FARSB: variants seen among roughly 807,000 people sequenced by gnomAD.
FARSB encodes the protein phenylalanyl-tRNA synthetase subunit beta.
A neutral mutation model predicts 69.6 loss-of-function variants in FARSB; 40 were observed. The observed-to-expected ratio is 0.57, with a 90% CI of 0.45 to 0.75. The LOEUF (loss-of-function observed/expected upper bound fraction) is 0.75, where lower values mean the gene tolerates loss of function less well. Ranked by LOEUF, FARSB falls within the 30% of genes least tolerant of loss-of-function variation. The probability of loss-of-function intolerance (pLI) is 0.00; values close to 1 mark genes in which losing one functional copy is unlikely to be tolerated. For missense variants in FARSB, 632 were observed against 722.9 expected (o/e 0.87, Z 1.44); for synonymous variants, 235 against 247.2 (o/e 0.95, Z 0.46).
chr2:222,616,545 C>CAA (rs11447332), intron 14 of FARSB, among the ~76,000 whole-genome samples: 15,020 of 73,690 alleles, frequency 0.2, 3,032 homozygotes, highest in African/African-American at 0.46. Flanking sequence ...GACTCCATCT[C>CAA]AAAAAAAAAA....
intron 1 of FARSB, among the ~76,000 whole-genome samples, chr2:222,651,168 A>G (rs1692029357): frequency 6.6e-6 from 1 of 152,188 alleles, no homozygotes. Context: ...AAGCAGAAGA[A>G]GAGGAATCCT....
chr2:222,632,076 A>AGAGTG lies in FARSB; in HGVS notation c.716-407_716-403dup, dbSNP rs1328224239. 1.6e-4 allele frequency among the ~76,000 whole-genome samples: 25 copies of AGAGTG among 151,620 alleles called. No homozygotes were observed. In the East Asian group the frequency reaches 4.9e-3, roughly 30 times the overall value. ...TGGCACGACATGGTGCAATGGCACGAGAGTGTGCCATTGCACTCCAGCCTG... is the reference window on the plus strand; with the variant it reads ...TGGCACGACATGGTGCAATGGCACGAGAGTGGAGTGTGCCATTGCACTCCAGCCTG... On this transcript the variant is annotated intron_variant, in intron 7 of 16. Coordinates refer to ENST00000281828, the MANE Select transcript of FARSB (RefSeq NM_005687.5).
rs141065703 is a variant in FARSB at position 222,648,791 on chromosome 2, G to A, written c.63C>T (p.Asp21=). 4.1e-4 allele frequency: 657 copies of A among 1,599,080 alleles called. 1 individual carries two copies. The African/African-American group carries it at 7.1e-3, about 17-fold the overall frequency. ...CAAAACATAGTTCATCAAATTCTTC[G>A]TCAGCTAGGAAAATAAAAAAGGAGA... ...LFQALGRTYT[D]EEFDELCFEF... is the part of the protein sequence containing the mutation. The change falls in exon 2 of 17, where the codon GAC becomes GAT. Residue 21 remains aspartate (D), a synonymous_variant. Transcript: ENST00000281828.
chr2:222,571,842 G>A lies in FARSB; in HGVS notation c.*29C>T, dbSNP rs1689723633. On this transcript the variant is annotated 3_prime_UTR_variant, in exon 17 of 17. Transcript: ENST00000281828. ...TAGGGGAGGAGAAAGGGACACCTGG[G>A]AAGAGAATCACACCACAGAGACCAA... 6.3e-7 allele frequency: 1 copy of A among 1,595,102 alleles called. No homozygotes were observed.
chr2:222,582,793 C>T (rs1690005795), intron 16 of FARSB, among the ~76,000 whole-genome samples: 1 of 151,870 alleles, frequency 6.6e-6, no homozygotes, highest in African/African-American at 2.4e-5. Context: ...GGTGTGGTGG[C>T]AGGCACCTGT....
At chr2:222,578,697 G>C (rs991991928) in intron 16 of FARSB, among the ~76,000 whole-genome samples, 2 of 151,008 alleles carry the variant, frequency 1.3e-5, no homozygotes, top group Non-Finnish European at 2.9e-5. Context: ...AAATTAGCTG[G>C]GGCCGGGCAC....
At chr2:222,631,496 T>G in intron 8 of FARSB, 108 bp downstream of exon 8, 1 of 718,490 alleles carries the variant, frequency 1.4e-6, no homozygotes, top group Non-Finnish European at 2.5e-6. Flanking sequence ...TAAAATATGT[T>G]CCCACCTACA....
chr2:222,632,424 T>C (rs1040154813), intron 7 of FARSB, among the ~76,000 whole-genome samples: 2 of 152,178 alleles, frequency 1.3e-5, no homozygotes, highest in Non-Finnish European at 2.9e-5. Flanking sequence ...ACTGGTTAAC[T>C]CTGGGGCCCA....
chr2:222,620,949 T>C (rs1691119138), intron 13 of FARSB, among the ~76,000 whole-genome samples: 1 of 152,198 alleles, frequency 6.6e-6, no homozygotes, highest in Non-Finnish European at 1.5e-5. Flanking sequence ...CATCCAGCCA[T>C]AGCAGAAAAC....
At chr2:222,580,325 G>A (rs1331855815) in intron 16 of FARSB, among the ~76,000 whole-genome samples, 7 of 151,882 alleles carry the variant, frequency 4.6e-5, no homozygotes, top group East Asian at 1.9e-4. Flanking sequence ...TAAGGCTTCT[G>A]TAAGCATAGA....
intron 10 of FARSB, among the ~76,000 whole-genome samples, chr2:222,625,080 C>T (rs1347313403): frequency 6.6e-6 from 1 of 152,236 alleles, no homozygotes; most frequent in African/African-American, 2.4e-5. Flanking sequence ...TGTTGTGCTA[C>T]ATCATTCCAA....
intron 16 of FARSB, among the ~76,000 whole-genome samples, chr2:222,595,508 G>T (rs948822412): frequency 2.6e-5 from 4 of 152,114 alleles, no homozygotes; most frequent in African/African-American, 4.8e-5. Flanking sequence ...TACTTACAAG[G>T]TTATTTTTCA....
intron 15 of FARSB, among the ~76,000 whole-genome samples, chr2:222,602,639 A>ATTG (rs1690593454): frequency 6.7e-6 from 1 of 149,262 alleles, no homozygotes; most frequent in Non-Finnish European, 1.5e-5. Context: ...TATTATTATT[A>ATTG]TACTTTAAGT....
intron 15 of FARSB, among the ~76,000 whole-genome samples, chr2:222,612,108 C>A (rs1690871055): frequency 2.0e-5 from 3 of 152,122 alleles, no homozygotes; most frequent in Admixed American, 2.0e-4. Context: ...AAAAATTTGA[C>A]AATGGAATTA....
chr2:222,629,247 T>G (rs1691355750), intron 9 of FARSB, among the ~76,000 whole-genome samples: 1 of 152,120 alleles, frequency 6.6e-6, no homozygotes, highest in Non-Finnish European at 1.5e-5. Flanking sequence ...GAAAATCAGT[T>G]GAAAAAAAAC....
chr2:222,649,767 C>T (rs1451348523), intron 1 of FARSB, among the ~76,000 whole-genome samples: 2 of 152,212 alleles, frequency 1.3e-5, no homozygotes, highest in East Asian at 3.8e-4. Context: ...AAAATAAGTT[C>T]TCTTCCTTAT....
At chr2:222,594,070 G>A (rs1690346248) in intron 16 of FARSB, among the ~76,000 whole-genome samples, 1 of 100,270 alleles carries the variant, frequency 1.0e-5, no homozygotes, top group Non-Finnish European at 1.8e-5. Flanking sequence ...CAGCCTGGGT[G>A]ACAAGGCAAA....
chr2:222,598,725 AAGC>A (rs1690486789), intron 16 of FARSB, among the ~76,000 whole-genome samples: 1 of 152,166 alleles, frequency 6.6e-6, no homozygotes, highest in Non-Finnish European at 1.5e-5. Context: ...TGGGAGGCAG[AAGC>A]TGTGGGGTCA....
chr2:222,593,696 G>GAAAAC (rs1422690035), intron 16 of FARSB, among the ~76,000 whole-genome samples: 11 of 151,620 alleles, frequency 7.3e-5, no homozygotes, highest in Admixed American at 2.0e-4. Context: ...TGTCTCTAAA[G>GAAAAC]AAAACAAAAC....
Sources: allele counts gnomAD v4.1 joint callset (sites outside exome capture counted in the v4.1 genomes callset), GRCh38; gene constraint gnomAD v4.1.1; transcripts MANE v1.5; gene names NCBI Gene and HGNC (gene_info 2026-07-23, HGNC 2026-07-21).